Variants in HPSE2 observed in about 807,000 individuals in gnomAD.
HPSE2 encodes the protein inactive heparanase-2.
Under a neutral mutation model 60.5 loss-of-function variants are expected in HPSE2, and 38 were observed. The observed-to-expected ratio is 0.63, with a 90% CI of 0.48 to 0.82. The LOEUF (loss-of-function observed/expected upper bound fraction) is 0.82. HPSE2 is among the 40% of genes least tolerant of loss of function. HPSE2 has a pLI of 0.00. For synonymous variants in HPSE2, 295 were observed against 293.2 expected (o/e 1.01, Z -0.06); for missense variants, 713 against 740.4 (o/e 0.96, Z 0.43).
intron 6 of HPSE2, among the ~76,000 whole-genome samples, chr10:98,672,649 A>C (rs1288615948): frequency 6.6e-6 from 1 of 152,234 alleles, no homozygotes; most frequent in Admixed American, 6.5e-5. Context: ...ACAAACGTCT[A>C]TCAGAGTAAA....
chr10:98,559,042 T>G (rs1944095274), intron 9 of HPSE2, among the ~76,000 whole-genome samples: 1 of 152,190 alleles, frequency 6.6e-6, no homozygotes, highest in Non-Finnish European at 1.5e-5. Flanking sequence ...GTTCTTGTTT[T>G]TCTTTCGGAG....
chr10:98,795,133 T>A (rs2134500477), intron 3 of HPSE2, among the ~76,000 whole-genome samples: 1 of 152,072 alleles, frequency 6.6e-6, no homozygotes, highest in South Asian at 2.1e-4. Flanking sequence ...CTATAGCATG[T>A]GTCTCCCTGT....
rs555504294 is a variant in HPSE2, at chr10:98,918,380, G to A, written c.611-174324C>T. On this transcript the variant is annotated intron_variant, in intron 3 of 11. Coordinates refer to ENST00000370552, the MANE Select transcript of HPSE2 (RefSeq NM_021828.5). Reference sequence around the variant, plus strand: ...TGCTGCTATAAAGACACATGCACACGTATGTTTATTGCGGCACTATTCACA... The same window carrying A: ...TGCTGCTATAAAGACACATGCACACATATGTTTATTGCGGCACTATTCACA... Among the ~76,000 whole-genome samples, 569 of 151,590 alleles carry A rather than the reference G, an allele frequency of 3.8e-3. 3 individuals carry two copies. The highest frequency in any genetic ancestry group is 0.017 in the Middle Eastern group (5 of 292).
chr10:99,037,882 C>T (rs1223747050), intron 3 of HPSE2, among the ~76,000 whole-genome samples: 2 of 151,904 alleles, frequency 1.3e-5, no homozygotes, highest in Non-Finnish European at 2.9e-5. Flanking sequence ...GGGCAAAAGA[C>T]ATAAACAGAT....
At chr10:99,127,488 T>C (rs148395392) in intron 3 of HPSE2, among the ~76,000 whole-genome samples, 6 of 152,214 alleles carry the variant, frequency 3.9e-5, no homozygotes, top group Non-Finnish European at 5.9e-5. Context: ...TCCAAGAAAT[T>C]TGAAATTATG....
At chr10:99,009,078 G>A (rs952386016) in intron 3 of HPSE2, among the ~76,000 whole-genome samples, 1 of 151,876 alleles carries the variant, frequency 6.6e-6, no homozygotes, top group African/African-American at 2.4e-5. Flanking sequence ...GTTTTTCAGT[G>A]CAAAAGCTTT....
the HPSE2 span, among the ~76,000 whole-genome samples, chr10:99,299,830 C>T: frequency 3.9e-5 from 6 of 152,030 alleles, no homozygotes; most frequent in Non-Finnish European, 8.8e-5. Context: ...TTAGTTGAGG[C>T]ACTCAGGAAA....
intron 3 of HPSE2, among the ~76,000 whole-genome samples, chr10:98,879,609 T>C (rs1309151423): frequency 6.6e-6 from 1 of 152,008 alleles, no homozygotes; most frequent in African/African-American, 2.4e-5. Context: ...AAAATAAATA[T>C]GCATTCTCTT....
At chr10:99,068,726 C>A (rs1368972991) in intron 3 of HPSE2, among the ~76,000 whole-genome samples, 1 of 152,064 alleles carries the variant, frequency 6.6e-6, no homozygotes, top group African/African-American at 2.4e-5. Flanking sequence ...AAACTTTTAA[C>A]AAGATCCACT....
At chr10:99,038,714 A>G (rs931137354) in intron 3 of HPSE2, among the ~76,000 whole-genome samples, 1 of 152,170 alleles carries the variant, frequency 6.6e-6, no homozygotes, top group Non-Finnish European at 1.5e-5. Context: ...CAGTTATGCA[A>G]GATGTAACTA....
rs181398235 is a variant in HPSE2 at position 98,617,748 on chromosome 10, C to T, written c.1206-2730G>A. On this transcript the variant is annotated intron_variant, in intron 8 of 11. Transcript: ENST00000370552. ...AAGATGCTACCCTGCCATTATTTTC[C>T]ACTCCACTAAAGGTGAATATCTACT... Among the ~76,000 whole-genome samples, 14 of 152,258 alleles carry T rather than the reference C, an allele frequency of 9.2e-5. No homozygotes were observed. In the East Asian group the frequency reaches 2.5e-3, roughly 27 times the overall value.
At chr10:98,857,884 G>T (rs1952356074) in intron 3 of HPSE2, among the ~76,000 whole-genome samples, 2 of 152,016 alleles carry the variant, frequency 1.3e-5, no homozygotes, top group South Asian at 4.1e-4. Flanking sequence ...AAAACATAAT[G>T]CAATCTCACA....
chr10:98,979,432 A>G (rs1198098789), intron 3 of HPSE2, among the ~76,000 whole-genome samples: 4 of 152,222 alleles, frequency 2.6e-5, no homozygotes, highest in African/African-American at 9.6e-5. Context: ...CATAGTGCAC[A>G]GCATTGTTGT....
intron 3 of HPSE2, among the ~76,000 whole-genome samples, chr10:99,036,143 A>T (rs779590068): frequency 2.0e-5 from 3 of 152,110 alleles, no homozygotes; most frequent in Non-Finnish European, 4.4e-5. Context: ...TGGGCCTAGG[A>T]GTTGGAGGCT....
intron 5 of HPSE2, among the ~76,000 whole-genome samples, chr10:98,718,249 C>T (rs1948838725): frequency 6.6e-6 from 1 of 152,044 alleles, no homozygotes; most frequent in Admixed American, 6.6e-5. Context: ...GAAATGAAAA[C>T]AATAAAATAG....
intron 3 of HPSE2, among the ~76,000 whole-genome samples, chr10:98,911,802 G>A (rs1953986846): frequency 6.6e-6 from 1 of 152,018 alleles, no homozygotes; most frequent in South Asian, 2.1e-4. Flanking sequence ...GTGGGGATGG[G>A]GGCAAGAAAA....
At chr10:98,622,988 T>C (rs1946113767) in intron 7 of HPSE2, among the ~76,000 whole-genome samples, 2 of 152,172 alleles carry the variant, frequency 1.3e-5, no homozygotes, top group Admixed American at 6.5e-5. Flanking sequence ...AAAATCTGTG[T>C]ACATGATAAA....
chr10:98,835,578 T>C (rs1589913817), intron 3 of HPSE2, among the ~76,000 whole-genome samples: 2 of 152,274 alleles, frequency 1.3e-5, no homozygotes, highest in Middle Eastern at 6.8e-3. Context: ...ATTTACCTTA[T>C]AATAACTTAT....
chr10:99,162,374 TA>T, intron 2 of HPSE2, among the ~76,000 whole-genome samples: 1 of 152,330 alleles, frequency 6.6e-6, no homozygotes, highest in Non-Finnish European at 1.5e-5. Context: ...GATTGCATAT[TA>T]AAACTTGGAT....
Sources: gnomAD v4.1 joint callset for allele counts (sites outside exome capture counted in the v4.1 genomes callset) on GRCh38, gnomAD v4.1.1 for gene constraint, MANE v1.5 for transcripts, NCBI Gene and HGNC (gene_info 2026-07-23, HGNC 2026-07-21) for gene names.